Variants in YBEY observed in about 807,000 individuals in gnomAD.
The protein encoded by YBEY is endoribonuclease YbeY.
In YBEY, 15 loss-of-function variants were observed where a neutral mutation model predicts 13.5. The observed-to-expected ratio is 1.11, with a 90% CI of 0.75 to 1.72. YBEY has a LOEUF of 1.72. Ranked by LOEUF, YBEY falls within the 40% of genes most tolerant of loss-of-function variation. The pLI, the probability that YBEY is intolerant of heterozygous loss-of-function variation, is 0.00. For missense variants in YBEY, 244 were observed against 208.4 expected, an observed-to-expected ratio of 1.17 and a Z score of -1.05; for synonymous variants, 101 against 83.1, an observed-to-expected ratio of 1.21 and a Z score of -1.17.
downstream of YBEY, among the ~76,000 whole-genome samples, chr21:46,299,750 G>GCCCCCCCCCCCCCCCCCCC (rs545785598): frequency 8.8e-5 from 13 of 147,244 alleles, no homozygotes; most frequent in African/African-American, 1.8e-4. Context: ...TGTGCCCTGA[G>GCCCCCCCCCCCCCCCCCCC]CCCCCCCCAC....
chr21:46,303,745 A>ATATATAT, the YBEY span, among the ~76,000 whole-genome samples: 3 of 23,822 alleles, frequency 1.3e-4, no homozygotes, highest in African/African-American at 5.0e-4. Context: ...ATATATATAT[A>ATATATAT]TTTTTTTTTT....
intron 2 of YBEY, among the ~76,000 whole-genome samples, chr21:46,291,019 G>GA (rs1232426831): frequency 0.05 from 6,479 of 129,862 alleles, 229 homozygotes; most frequent in African/African-American, 0.079. Flanking sequence ...TCTGTCTCAG[G>GA]AAAAAAAAAA....
intron 3 of YBEY, chr21:46,291,932 C>A: frequency 1.4e-6 from 1 of 719,130 alleles, no homozygotes; most frequent in African/African-American, 1.9e-5. Context: ...CAGAGCTAGC[C>A]AAGCAGAAAG....
intron 3 of YBEY, among the ~76,000 whole-genome samples, chr21:46,292,619 GGGACAGCCACGC>G: frequency 8.9e-6 from 1 of 112,652 alleles, no homozygotes; most frequent in Non-Finnish European, 1.9e-5. Flanking sequence ...GGACTCAGTG[GGGACAGCCACGC>G]AAGTTAAACT....
chr21:46,311,518 A>C, the YBEY span: 1 of 1,612,606 alleles, frequency 6.2e-7, no homozygotes, highest in South Asian at 1.1e-5. Context: ...CTGTGCTATG[A>C]GTGGCTGCTG....
At chr21:46,300,733 A>G (rs1261606375), downstream of YBEY, 2 of 1,288,952 alleles carry the variant, frequency 1.6e-6, no homozygotes, top group South Asian at 2.5e-5. Flanking sequence ...AAACTTTCAA[A>G]GATGGAAGCA....
the YBEY span, among the ~76,000 whole-genome samples, chr21:46,303,759 T>A: frequency 3.3e-4 from 30 of 90,838 alleles, no homozygotes; most frequent in East Asian, 2.5e-3. Context: ...TTTTTTTTTT[T>A]TTTTTTTTTG....
At position 46,286,989 on chromosome 21, in the gene YBEY, G is replaced by A. The variant is rs1417054841; in HGVS notation, c.76G>A (p.Val26Ile). The change falls in exon 2 of 5, where the codon GTA (valine) becomes ATA (isoleucine). Residue 26 changes from valine (V) to isoleucine (I), a missense_variant. Coordinates refer to ENST00000397701, the MANE Select transcript of YBEY (RefSeq NM_001314025.2). ...RAPLRSKIEI[V>I]RRILGVQKFD... ...GCCACTTCGCAGTAAGATCGAGATT[G>A]TAAGGAGGATTTTAGGAGTGCAGAA... 1 of 1,614,160 alleles carries A rather than the reference G, an allele frequency of 6.2e-7. No individual in the cohort carries two copies. Among genetic ancestry groups the A allele is most frequent in the East Asian group, 2.2e-5 (1 of 44,870 alleles).
At chr21:46,298,695 C>T (rs1047901733), downstream of YBEY, among the ~76,000 whole-genome samples, 3 of 151,846 alleles carry the variant, frequency 2.0e-5, no homozygotes, top group Admixed American at 6.6e-5. Context: ...TCCCAAAGTG[C>T]TGGGATTACA....
chr21:46,307,916 G>A, the YBEY span, among the ~76,000 whole-genome samples: 66 of 152,280 alleles, frequency 4.3e-4, 2 homozygotes, highest in African/African-American at 1.2e-3. Flanking sequence ...TGTTGCCAAG[G>A]TTGTAAATAA....
At chr21:46,302,488 C>G (rs754557352), downstream of YBEY, 1 of 1,606,734 alleles carries the variant, frequency 6.2e-7, no homozygotes, top group Admixed American at 1.7e-5. Flanking sequence ...AGCCTACCTG[C>G]AGGGCTGGGG....
intron 2 of YBEY, among the ~76,000 whole-genome samples, chr21:46,287,727 A>G (rs1255045584): frequency 6.6e-6 from 1 of 152,168 alleles, no homozygotes; most frequent in Non-Finnish European, 1.5e-5. Context: ...GCGATGGCTC[A>G]TACCCATAAT....
At chr21:46,298,497 C>G (rs11089055), downstream of YBEY, among the ~76,000 whole-genome samples, 82,874 of 138,214 alleles carry the variant, frequency 0.6, 26,554 homozygotes, top group Non-Finnish European at 0.71. Context: ...GGTGCGATCT[C>G]GGCTCACTAC....
Position 46,297,619 on chromosome 21 carries a change from C to G in YBEY, c.489C>G (p.Leu163=). 1 of 1,349,712 alleles carries G rather than the reference C, an allele frequency of 7.4e-7. No homozygotes were observed. The highest frequency in any genetic ancestry group is 1.9e-5 in the South Asian group (1 of 53,778). The allele number at this position is 1,349,712 out of a possible 1,614,324, so 83.6% of individuals were successfully genotyped here. A position where few individuals can be genotyped will look rare whatever the true frequency, so the allele number is the denominator to read the frequency against. Residue 163 remains leucine, a synonymous_variant, in exon 5 of 5, where the codon CTC becomes CTG. Transcript: ENST00000397701. ...GTRLQPLTRG[L]FGGS ...GGCTGCAGCCCCTGACCCGGGGCCT[C>G]TTCGGAGGGAGCTGAGGGCCGCGTT...
chr21:46,303,735 ATATATATATATTTTTT>A, the YBEY span, among the ~76,000 whole-genome samples: 741 of 28,114 alleles, frequency 0.026, 20 homozygotes, highest in African/African-American at 0.081. Flanking sequence ...ATATATATAT[ATATATATATATTTTTT>A]TTTTTTTTTT....
downstream of YBEY, chr21:46,300,984 G>A: frequency 5.1e-6 from 4 of 791,428 alleles, no homozygotes; most frequent in Non-Finnish European, 5.1e-6. Flanking sequence ...AGGGGAGTGA[G>A]CCGCCCTTCC....
chr21:46,298,244 C>T (rs2082013874), downstream of YBEY, among the ~76,000 whole-genome samples: 1 of 886 alleles, frequency 1.1e-3, no homozygotes, highest in Non-Finnish European at 1.8e-3. Context: ...CATGAAAATG[C>T]CTTCCCACTG....
intron 4 of YBEY, among the ~76,000 whole-genome samples, chr21:46,296,810 C>T (rs2081967942): frequency 6.6e-6 from 1 of 151,242 alleles, no homozygotes; most frequent in Non-Finnish European, 1.5e-5. Flanking sequence ...GCCTGGCCAA[C>T]ATGGAGAAAC....
rs752425373 is a variant in YBEY at position 46,291,326 on chromosome 21, T to C, written c.211-8T>C. The C allele has an allele frequency of 1.1e-5, 17 of 1,613,610 alleles. No individual in the cohort carries two copies. In the East Asian group the frequency reaches 3.1e-4, roughly 30 times the overall value. On this transcript the variant is annotated splice_polypyrimidine_tract_variant and splice_region_variant and intron_variant, in intron 2 of 4. Transcript: ENST00000397701. ...TGTTCTCTAAGTCTACATTTCCTCA[T>C]TTTTTAGCATCTGAAAGCAGGTGAA...
Sources: allele counts gnomAD v4.1 joint callset (sites outside exome capture counted in the v4.1 genomes callset), GRCh38; gene constraint gnomAD v4.1.1; transcripts MANE v1.5; gene names NCBI Gene and HGNC (gene_info 2026-07-23, HGNC 2026-07-21).